Variants in CLVS1 observed in about 807,000 individuals in gnomAD.
CLVS1 encodes the protein clavesin 1.
Under a neutral mutation model 33.1 loss-of-function variants are expected in CLVS1, and 10 were observed. The ratio of observed to expected loss-of-function variants is 0.30; its 90% CI spans 0.19 to 0.51. The LOEUF (loss-of-function observed/expected upper bound fraction) is 0.51, where lower values mean the gene tolerates loss of function less well. Among genes scored for constraint, CLVS1 ranks in the 20% least tolerant of loss-of-function variants. The probability of loss-of-function intolerance (pLI) is 0.97; values close to 1 mark genes in which losing one functional copy is unlikely to be tolerated. For synonymous variants in CLVS1, 163 were observed against 166.1 expected (o/e 0.98, Z 0.14); for missense variants, 343 against 433.4 (o/e 0.79, Z 1.85).
intron 1 of CLVS1, among the ~76,000 whole-genome samples, chr8:61,058,020 A>G (rs1804511070): frequency 6.6e-6 from 1 of 152,248 alleles, no homozygotes; most frequent in African/African-American, 2.4e-5. Context: ...GTTTCTATGG[A>G]AAACAGACAC....
At chr8:61,289,575 G>A (rs994216819) in intron 1 of CLVS1, among the ~76,000 whole-genome samples, 1 of 152,122 alleles carries the variant, frequency 6.6e-6, no homozygotes, top group Non-Finnish European at 1.5e-5. Flanking sequence ...AATTAAAAAC[G>A]AGATTATTTA....
chr8:61,113,671 T>C (rs1322727055), intron 1 of CLVS1, among the ~76,000 whole-genome samples: 1 of 152,220 alleles, frequency 6.6e-6, no homozygotes, highest in African/African-American at 2.4e-5. Flanking sequence ...TGCCATGCAG[T>C]GTCACCTGGA....
At chr8:61,129,401 G>C (rs912408326) in intron 1 of CLVS1, among the ~76,000 whole-genome samples, 1 of 152,200 alleles carries the variant, frequency 6.6e-6, no homozygotes, top group Non-Finnish European at 1.5e-5. Context: ...GGATGGTCAG[G>C]CTTCCCCATG....
intron 2 of CLVS1, among the ~76,000 whole-genome samples, chr8:61,221,546 A>C (rs932185905): frequency 3.3e-5 from 5 of 152,142 alleles, no homozygotes; most frequent in African/African-American, 1.2e-4. Context: ...ACTCAATCAC[A>C]GTGGGTAAGA....
At chr8:61,135,841 C>G (rs1806182996) in intron 2 of CLVS1, among the ~76,000 whole-genome samples, 2 of 152,172 alleles carry the variant, frequency 1.3e-5, no homozygotes, top group African/African-American at 4.8e-5. Context: ...AGTAGAGATG[C>G]ATTCGCCTTG....
At chr8:61,292,371 CAGA>C (rs1308481822) in intron 1 of CLVS1, 1 of 456,032 alleles carries the variant, frequency 2.2e-6, no homozygotes, top group African/African-American at 2.0e-5. Flanking sequence ...CAATCACATC[CAGA>C]AGAAGGGTCA....
At chr8:61,002,698 C>T in the CLVS1 span, among the ~76,000 whole-genome samples, 72 of 152,144 alleles carry the variant, frequency 4.7e-4, no homozygotes, top group South Asian at 1.0e-3. Context: ...CATTTGTGAG[C>T]CCCCTATACT....
chr8:61,261,752 C>T (rs1448052269), intron 2 of CLVS1, among the ~76,000 whole-genome samples: 1 of 152,144 alleles, frequency 6.6e-6, no homozygotes, highest in Admixed American at 6.5e-5. Context: ...CCTGAATCTG[C>T]TGATGTCTTG....
intron 2 of CLVS1, among the ~76,000 whole-genome samples, chr8:61,281,713 A>G (rs989565574): frequency 3.9e-5 from 6 of 151,928 alleles, no homozygotes; most frequent in African/African-American, 1.5e-4. Context: ...TGCATTTCCT[A>G]CCTCATCCCA....
At chr8:61,095,483 C>T (rs1233954213) in intron 1 of CLVS1, among the ~76,000 whole-genome samples, 1 of 152,132 alleles carries the variant, frequency 6.6e-6, no homozygotes, top group South Asian at 2.1e-4. Flanking sequence ...CTAGGAGGTG[C>T]TGGGTAGGCA....
intron 5 of CLVS1, among the ~76,000 whole-genome samples, chr8:61,481,898 C>T (rs1044353355): frequency 5.3e-5 from 8 of 152,220 alleles, no homozygotes; most frequent in Non-Finnish European, 1.0e-4. Context: ...CAGTCTGCCT[C>T]CTCAAGTGGG....
chr8:61,215,682 ATGTGTGTGTGTGTGTGTGTG>A (rs72193127), intron 2 of CLVS1, among the ~76,000 whole-genome samples: 193 of 143,824 alleles, frequency 1.3e-3, no homozygotes, highest in African/African-American at 4.5e-3. Flanking sequence ...GAAATTGAAA[ATGTGTGTGTGTGTGTGTGTG>A]TGTGTGTGTG....
the CLVS1 span, among the ~76,000 whole-genome samples, chr8:60,972,434 T>A: frequency 3.3e-5 from 5 of 152,186 alleles, no homozygotes; most frequent in African/African-American, 4.8e-5. Flanking sequence ...TTTATTAATT[T>A]TAAAACTCAT....
intron 2 of CLVS1, among the ~76,000 whole-genome samples, chr8:61,362,233 G>T (rs553275296): frequency 6.6e-6 from 1 of 152,162 alleles, no homozygotes; most frequent in Non-Finnish European, 1.5e-5. Context: ...GGGACATTTG[G>T]CCAAGACCTG....
chr8:61,245,654 C>T (rs1563460381), intron 2 of CLVS1, among the ~76,000 whole-genome samples: 1 of 151,314 alleles, frequency 6.6e-6, no homozygotes, highest in Non-Finnish European at 1.5e-5. Context: ...TACCCTCTAT[C>T]CTGTTTCATT....
chr8:61,278,220 A>G (rs1809601103), intron 2 of CLVS1, among the ~76,000 whole-genome samples: 1 of 152,242 alleles, frequency 6.6e-6, no homozygotes, highest in Non-Finnish European at 1.5e-5. Context: ...ATCTCCCACA[A>G]TAAACATAGT....
intron 2 of CLVS1, among the ~76,000 whole-genome samples, chr8:61,195,660 G>A (rs899573755): frequency 6.6e-6 from 1 of 151,942 alleles, no homozygotes; most frequent in Non-Finnish European, 1.5e-5. Flanking sequence ...CTGAAAGTTT[G>A]GAAGTATCAG....
chr8:61,073,115 CCTT>C (rs1410074512), intron 1 of CLVS1, among the ~76,000 whole-genome samples: 28 of 152,168 alleles, frequency 1.8e-4, no homozygotes, highest in African/African-American at 6.0e-4. Context: ...TTACTACACT[CCTT>C]CTAAGTTCTA....
At chr8:61,445,861 C>A (rs1443891983) in intron 3 of CLVS1, among the ~76,000 whole-genome samples, 7 of 152,178 alleles carry the variant, frequency 4.6e-5, no homozygotes. Context: ...TAGGGCTATT[C>A]AAATTACCTT....
Sources: allele counts gnomAD v4.1 joint callset (sites outside exome capture counted in the v4.1 genomes callset), GRCh38; gene constraint gnomAD v4.1.1; transcripts MANE v1.5; gene names NCBI Gene and HGNC (gene_info 2026-07-23, HGNC 2026-07-21).